The following CNTNAP2 variants were observed in gnomAD, a reference collection of about 807,000 sequenced individuals.
CNTNAP2 encodes the protein contactin-associated protein-like 2.
A neutral mutation model predicts 155.2 loss-of-function variants in CNTNAP2; 98 were observed. The observed-to-expected ratio is 0.63, with a 90% confidence interval of 0.54 to 0.75. The LOEUF (loss-of-function observed/expected upper bound fraction) is 0.75, where lower values mean the gene tolerates loss of function less well. Ranked by LOEUF, CNTNAP2 falls within the 30% of genes least tolerant of loss-of-function variation. The pLI is 0.00. For synonymous variants in CNTNAP2, 651 were observed against 631.2 expected, an observed-to-expected ratio of 1.03 and a Z score of -0.47; for missense variants, 1,727 against 1,688.1, an observed-to-expected ratio of 1.02 and a Z score of -0.40.
At chr7:146,322,983 A>G (rs1048479234) in intron 1 of CNTNAP2, among the ~76,000 whole-genome samples, 5 of 150,388 alleles carry the variant, frequency 3.3e-5, no homozygotes, top group African/African-American at 1.3e-4. Flanking sequence ...TAGCATCATC[A>G]GAGTCTTTGG....
At chr7:147,311,404 T>C (rs1795123783) in intron 9 of CNTNAP2, among the ~76,000 whole-genome samples, 1 of 152,130 alleles carries the variant, frequency 6.6e-6, no homozygotes, top group Admixed American at 6.5e-5. Flanking sequence ...GCTGAGGCAG[T>C]ATTGGCCAGT....
In CNTNAP2 at chr7:146,580,621, A is replaced by T. The variant is rs148815378; in HGVS notation, c.98-193650A>T. 5.3e-3 allele frequency among the ~76,000 whole-genome samples: 806 copies of T among 151,758 alleles called. 7 individuals are homozygous for T. The highest frequency in any genetic ancestry group is 0.051 in the Middle Eastern group (15 of 292). On this transcript the variant is annotated intron_variant, in intron 1 of 23. Coordinates refer to ENST00000361727, the MANE Select transcript of CNTNAP2 (RefSeq NM_014141.6). ...CATTATTTCTTCTTTCCTGGCCCAC[A>T]CTCCTGTAAGTGTATGTTTCGTCTT...
intron 21 of CNTNAP2, among the ~76,000 whole-genome samples, chr7:148,328,976 GA>G (rs71188969): frequency 0.02 from 1,403 of 69,168 alleles, 26 homozygotes; most frequent in African/African-American, 0.069. Flanking sequence ...ACTCTGTCTG[GA>G]AAAAAAAAAA....
chr7:148,192,951 ATTCTC>A (rs1201498671), intron 18 of CNTNAP2, among the ~76,000 whole-genome samples: 1 of 152,166 alleles, frequency 6.6e-6, no homozygotes, highest in African/African-American at 2.4e-5. Context: ...AAATTAACCT[ATTCTC>A]TTTTTAAAAA....
chr7:146,788,820 G>A (rs757310722), intron 2 of CNTNAP2, among the ~76,000 whole-genome samples: 6 of 151,150 alleles, frequency 4.0e-5, no homozygotes, highest in Non-Finnish European at 8.8e-5. Flanking sequence ...AGACATCCAC[G>A]TGTTTTTTTG....
intron 1 of CNTNAP2, among the ~76,000 whole-genome samples, chr7:146,151,132 G>A (rs902470099): frequency 1.3e-5 from 2 of 152,010 alleles, no homozygotes; most frequent in Non-Finnish European, 2.9e-5. Flanking sequence ...ACTGCATGGA[G>A]GAAACCACCC....
chr7:147,363,615 T>C lies in CNTNAP2; in HGVS notation c.1499-31994T>C, dbSNP rs1445171778. On this transcript the variant is annotated intron_variant, in intron 9 of 23. Coordinates refer to ENST00000361727, the MANE Select transcript of CNTNAP2 (RefSeq NM_014141.6). ...TCTGTATGATTCAGTCATCACCAAA[T>C]AGACTCTTTGATAAAGCATATATTG... Among the ~76,000 whole-genome samples, 6 of 152,240 alleles carry C rather than the reference T, an allele frequency of 3.9e-5. No homozygotes were observed. In the South Asian group the frequency reaches 6.2e-4, roughly 16 times the overall value.
chr7:146,973,179 C>T (rs753868998), intron 3 of CNTNAP2, among the ~76,000 whole-genome samples: 16 of 152,190 alleles, frequency 1.1e-4, no homozygotes, highest in Non-Finnish European at 2.1e-4. Context: ...TAGGCACGTG[C>T]TGACATGCCC....
intron 13 of CNTNAP2, among the ~76,000 whole-genome samples, chr7:147,777,289 A>T (rs1350339735): frequency 6.6e-6 from 1 of 152,228 alleles, no homozygotes; most frequent in Non-Finnish European, 1.5e-5. Context: ...TAAAATATAA[A>T]TGTCTAAAGT....
chr7:147,635,502 G>A (rs10282245), intron 12 of CNTNAP2, among the ~76,000 whole-genome samples: 13,634 of 151,972 alleles, frequency 0.09, 1,699 homozygotes, highest in African/African-American at 0.26. Flanking sequence ...CTGTCATATC[G>A]TAAGCACTCA....
At chr7:147,455,333 A>T (rs932236870) in intron 10 of CNTNAP2, among the ~76,000 whole-genome samples, 3 of 152,160 alleles carry the variant, frequency 2.0e-5, no homozygotes, top group African/African-American at 7.2e-5. Flanking sequence ...TACTAAAAAT[A>T]TATTTGTTAT....
intron 1 of CNTNAP2, among the ~76,000 whole-genome samples, chr7:146,205,024 G>T (rs1280416631): frequency 1.1e-4 from 17 of 152,040 alleles, no homozygotes; most frequent in Admixed American, 1.1e-3. Flanking sequence ...CATAACTGGA[G>T]ACTTAAGAAA....
At chr7:146,416,974 C>T (rs532316685) in intron 1 of CNTNAP2, among the ~76,000 whole-genome samples, 13 of 152,190 alleles carry the variant, frequency 8.5e-5, no homozygotes, top group African/African-American at 2.6e-4. Flanking sequence ...GACCTTCTAT[C>T]GCCTGATTTT....
chr7:146,763,529 T>C (rs1291538513), intron 1 of CNTNAP2, among the ~76,000 whole-genome samples: 16 of 152,144 alleles, frequency 1.1e-4, no homozygotes, highest in Admixed American at 9.8e-4. Flanking sequence ...ACTCTATAAA[T>C]TGTCATTGAA....
rs77564976 is a variant in CNTNAP2 at position 146,873,098 on chromosome 7, T to C, written c.402+33194T>C. ...AAACAGTTGATTTAAACTTCTACCATTGGAGAATTGTTGATGTCTTTTCAA... is the reference window on the plus strand; with the variant it reads ...AAACAGTTGATTTAAACTTCTACCACTGGAGAATTGTTGATGTCTTTTCAA... On this transcript the variant is annotated intron_variant, in intron 3 of 23. Transcript: ENST00000361727. 3.9e-3 allele frequency among the ~76,000 whole-genome samples: 599 copies of C among 152,286 alleles called. 6 individuals carry two copies. The highest frequency in any genetic ancestry group is 0.014 in the African/African-American group (568 of 41,570).
At chr7:147,489,756 C>T (rs1246153475) in intron 11 of CNTNAP2, among the ~76,000 whole-genome samples, 1 of 152,144 alleles carries the variant, frequency 6.6e-6, no homozygotes, top group Non-Finnish European at 1.5e-5. Flanking sequence ...GCTGGGACTA[C>T]AGGCACGTGC....
intron 3 of CNTNAP2, among the ~76,000 whole-genome samples, chr7:146,916,638 G>A (rs545922404): frequency 6.6e-6 from 1 of 152,150 alleles, no homozygotes; most frequent in Admixed American, 6.5e-5. Context: ...GGGTAGCCTT[G>A]AATGATCTTT....
At chr7:146,925,689 A>T (rs2129221194) in intron 3 of CNTNAP2, among the ~76,000 whole-genome samples, 1 of 152,228 alleles carries the variant, frequency 6.6e-6, no homozygotes, top group South Asian at 2.1e-4. Context: ...CAGGCATAAC[A>T]AGTGTCATAC....
At chr7:148,323,117 T>C (rs1266571902) in intron 21 of CNTNAP2, among the ~76,000 whole-genome samples, 1 of 152,080 alleles carries the variant, frequency 6.6e-6, no homozygotes, top group Non-Finnish European at 1.5e-5. Context: ...CAGACAATCC[T>C]GTCCTATCAC....
Sources: allele counts gnomAD v4.1 joint callset (sites outside exome capture counted in the v4.1 genomes callset), GRCh38; gene constraint gnomAD v4.1.1; transcripts MANE v1.5; gene names NCBI Gene and HGNC (gene_info 2026-07-23, HGNC 2026-07-21).